The following F5 variants were observed in gnomAD, a reference collection of about 807,000 sequenced individuals.
F5 encodes the protein activated protein c cofactor.
Under a neutral mutation model 216.4 loss-of-function variants are expected in F5, and 138 were observed. The ratio of observed to expected loss-of-function variants is 0.64; its 90% CI spans 0.56 to 0.73. The LOEUF is 0.73. F5 is among the 30% of genes least tolerant of loss of function. F5 has a pLI of 0.00. For missense variants in F5, 2,403 were observed against 2,674.0 expected (o/e 0.90, Z 2.24); for synonymous variants, 916 against 930.7 (o/e 0.98, Z 0.29).
chr1:169,554,976 T>C lies in F5; in HGVS notation c.1118+206A>G, dbSNP rs13306343. Reference sequence around the variant, plus strand: ...TGGCAAACATTCAACAAAAGGTAGCTGCTGTTGTCATTTTTATTATTATTA... The same window carrying C: ...TGGCAAACATTCAACAAAAGGTAGCCGCTGTTGTCATTTTTATTATTATTA... On this transcript the variant is annotated intron_variant, in intron 7 of 24. Transcript: ENST00000367797. Among the ~76,000 whole-genome samples the C allele has an allele frequency of 1.1e-4, 16 of 152,326 alleles. No homozygotes were observed. In the East Asian group the frequency reaches 2.7e-3, roughly 26 times the overall value.
intron 2 of F5, among the ~76,000 whole-genome samples, chr1:169,574,543 C>T (rs1660799626): frequency 6.6e-6 from 1 of 152,196 alleles, no homozygotes; most frequent in Admixed American, 6.5e-5. Flanking sequence ...AGTCACGGCA[C>T]TCATGGAGTT....
chr1:169,563,207 C>T (rs1232785115), intron 3 of F5, among the ~76,000 whole-genome samples: 1 of 151,958 alleles, frequency 6.6e-6, no homozygotes, highest in Non-Finnish European at 1.5e-5. Context: ...TGGTTTTGTT[C>T]CCCTGTATGT....
chr1:169,576,559 C>A (rs751697196), intron 2 of F5, among the ~76,000 whole-genome samples: 1 of 152,174 alleles, frequency 6.6e-6, no homozygotes, highest in Admixed American at 6.5e-5. Flanking sequence ...GACTCCTGAG[C>A]CAAAGCTCTC....
intron 15 of F5, 48 bp downstream of exon 15, chr1:169,530,738 G>T: frequency 6.6e-7 from 1 of 1,518,188 alleles, no homozygotes. Flanking sequence ...GTGGACTTCA[G>T]ATTACGAGGT....
rs530100882 is a variant in F5, at chr1:169,584,889, C to A, written c.158+1340G>T. Among the ~76,000 whole-genome samples the A allele has an allele frequency of 2.0e-5, 3 of 152,314 alleles. No homozygotes were observed. The South Asian group carries it at 6.2e-4, about 32-fold the overall frequency. On this transcript the variant is annotated intron_variant, in intron 1 of 24. Coordinates refer to ENST00000367797, the MANE Select transcript of F5 (RefSeq NM_000130.5). The stretch of plus-strand genomic sequence containing the variant: ...AGGATGAGGGGACAGAATGACCAGT[C>A]ATGGTTCCCTGTGTACTCACCATGT...
At chr1:169,576,174 C>G (rs6701627) in intron 2 of F5, among the ~76,000 whole-genome samples, 37,140 of 151,938 alleles carry the variant, frequency 0.24, 5,304 homozygotes, top group South Asian at 0.36. Flanking sequence ...TTGGACTTCT[C>G]ATCTGCAGAT....
chr1:169,545,720 T>C (rs915747084), intron 11 of F5, among the ~76,000 whole-genome samples: 2 of 152,202 alleles, frequency 1.3e-5, no homozygotes, highest in Admixed American at 6.5e-5. Context: ...GAACAGAACA[T>C]GCAGAAATCA....
At chr1:169,579,163 G>A (rs1660933006) in intron 2 of F5, among the ~76,000 whole-genome samples, 1 of 150,408 alleles carries the variant, frequency 6.6e-6, no homozygotes, top group East Asian at 2.0e-4. Flanking sequence ...TCAACACCCT[G>A]CCATCTGGTC....
intron 2 of F5, among the ~76,000 whole-genome samples, chr1:169,580,662 C>T (rs759332544): frequency 2.0e-5 from 3 of 151,904 alleles, no homozygotes; most frequent in East Asian, 1.9e-4. Flanking sequence ...TGAGCCACCA[C>T]GCCTGGCCTC....
intron 17 of F5, among the ~76,000 whole-genome samples, chr1:169,526,241 C>A (rs1175220077): frequency 6.6e-6 from 1 of 152,240 alleles, no homozygotes; most frequent in East Asian, 1.9e-4. Context: ...CCACACCTCA[C>A]TAGAAGAAAC....
intron 11 of F5, 123 bp from the exon 12 acceptor site, chr1:169,544,631 T>C (rs1004851306): frequency 1.4e-5 from 12 of 831,394 alleles, no homozygotes; most frequent in Non-Finnish European, 2.4e-5. Context: ...TTATCCAAGA[T>C]AAGCTTTATC....
intron 3 of F5, among the ~76,000 whole-genome samples, chr1:169,568,714 G>A (rs1435368996): frequency 6.6e-6 from 1 of 152,018 alleles, no homozygotes; most frequent in Non-Finnish European, 1.5e-5. Context: ...TCGATAGTCA[G>A]CTTTGTATTG....
At chr1:169,516,505 C>A (rs1659158409) in intron 23 of F5, among the ~76,000 whole-genome samples, 1 of 152,160 alleles carries the variant, frequency 6.6e-6, no homozygotes, top group Admixed American at 6.5e-5. Flanking sequence ...TGTGTATACA[C>A]AAAAATTCAC....
intron 2 of F5, among the ~76,000 whole-genome samples, chr1:169,575,554 T>G (rs1660825863): frequency 6.6e-6 from 1 of 151,930 alleles, no homozygotes; most frequent in African/African-American, 2.4e-5. Context: ...GATAGAAGAC[T>G]CCAGGAGAGA....
chr1:169,556,737 G>T lies in F5; in HGVS notation c.861C>A (p.Thr287=). Residue 287 remains threonine, a synonymous_variant, in exon 6 of 25, where the codon ACC becomes ACA. Transcript: ENST00000367797. ...CGGTAGTGGATGTAGCACTGACAAGGGTGATGGCTGAGACCTTATGATGGT... is the reference window on the plus strand; with the variant it reads ...CGGTAGTGGATGTAGCACTGACAAGTGTGATGGCTGAGACCTTATGATGGT... The part of the protein sequence containing the change: ...EQNHHKVSAI[T]LVSATSTTAN... 6.2e-7 allele frequency: 1 copy of T among 1,614,066 alleles called. No individual in the cohort carries two copies. The highest frequency in any genetic ancestry group is 8.5e-7 in the Non-Finnish European group (1 of 1,180,000).
At chr1:169,569,280 T>C (rs1454325597) in intron 3 of F5, among the ~76,000 whole-genome samples, 2 of 152,082 alleles carry the variant, frequency 1.3e-5, no homozygotes, top group Non-Finnish European at 2.9e-5. Flanking sequence ...AACACTTAGA[T>C]ACAACGAACA....
rs1227415968 is a variant in F5 at position 169,560,648 on chromosome 1, G to T, written c.492C>A (p.Asp164Glu). The change falls in exon 4 of 25, where the codon GAC becomes GAA. Residue 164 changes from aspartate to glutamate, a missense_variant. Asp to Glu is a conservative substitution (Grantham distance 45). Coordinates refer to ENST00000367797, the MANE Select transcript of F5 (RefSeq NM_000130.5). ...ISEDSGPTHD[D>E]PPCLTHIYYS... ...AATAGATGTGTGTGAGGCATGGAGG[G>T]TCATCATGGGTGGGTCCACTGTCCT... The T allele has an allele frequency of 6.2e-7, 1 of 1,613,778 alleles. No homozygotes were observed. Among genetic ancestry groups the T allele is most frequent in the Non-Finnish European group, 8.5e-7 (1 of 1,179,806 alleles).
rs1660460346 is a variant in F5 at position 169,560,754 on chromosome 1, A to G, written c.386T>C (p.Leu129Pro). 6.2e-7 allele frequency: 1 copy of G among 1,612,038 alleles called. No individual in the cohort carries two copies. The highest frequency in any genetic ancestry group is 1.3e-5 in the African/African-American group (1 of 74,798). Residue 129 changes from leucine to proline, a missense_variant, in exon 4 of 25, where the codon CTT (leucine) becomes CCT (proline). Coordinates refer to ENST00000367797, the MANE Select transcript of F5 (RefSeq NM_000130.5). ...YSKLSEGASY[L>P]DHTFPAEKMD... ...CTTCTCCGCAGGGAATGTGTGGTCA[A>G]GGTAAGAAGCACCTGGAGGAGTAAC...
At chr1:169,573,465 G>A (rs1347708399) in intron 2 of F5, among the ~76,000 whole-genome samples, 1 of 152,176 alleles carries the variant, frequency 6.6e-6, no homozygotes, top group Non-Finnish European at 1.5e-5. Flanking sequence ...AGAACGTGAT[G>A]AGTAGTGGTT....
Sources: gnomAD v4.1 joint callset for allele counts (sites outside exome capture counted in the v4.1 genomes callset) on GRCh38, gnomAD v4.1.1 for gene constraint, MANE v1.5 for transcripts, NCBI Gene and HGNC (gene_info 2026-07-23, HGNC 2026-07-21) for gene names.